Variants in FUS observed in about 807,000 individuals in gnomAD.
FUS encodes FUS RNA binding protein.
A neutral mutation model predicts 82.7 loss-of-function variants in FUS; 5 were observed. That is an observed-to-expected ratio of 0.06 (90% confidence interval 0.03 to 0.13). FUS has a LOEUF of 0.13. Among genes scored for constraint, FUS ranks in the 10% least tolerant of loss-of-function variants. The probability of loss-of-function intolerance (pLI) is 1.00; values close to 1 mark genes in which losing one functional copy is unlikely to be tolerated. For synonymous variants in FUS, 281 were observed against 247.4 expected (o/e 1.14, Z -1.27); for missense variants, 512 against 707.8 (o/e 0.72, Z 3.14).
downstream of FUS, chr16:31,192,057 G>A (rs1241412491): frequency 1.9e-6 from 1 of 532,914 alleles, no homozygotes; most frequent in Non-Finnish European, 3.6e-6. Flanking sequence ...GTAACTGAGT[G>A]CTGCAGGAGT....
intron 7 of FUS, 58 bp downstream of exon 7, chr16:31,186,894 C>A: frequency 6.8e-7 from 1 of 1,471,934 alleles, no homozygotes; most frequent in Non-Finnish European, 9.5e-7. Flanking sequence ...TCTGATTGTT[C>A]ATTTGCAGAT....
intron 5 of FUS, 113 bp downstream of exon 5, chr16:31,184,509 TCTCGG>T (rs1262342488): frequency 3.0e-5 from 32 of 1,082,340 alleles, no homozygotes; most frequent in Non-Finnish European, 4.2e-5. Flanking sequence ...AGTGGCACAA[TCTCGG>T]CTCACTGCAA....
At chr16:31,192,551 C>T (rs1406521603), downstream of FUS, 2 of 505,110 alleles carry the variant, frequency 4.0e-6, no homozygotes, top group Non-Finnish European at 3.9e-6. Flanking sequence ...GAAGTGCTTT[C>T]CTCTCAAATT....
chr16:31,187,261 G>C, intron 7 of FUS: 1 of 303,766 alleles, frequency 3.3e-6, no homozygotes, highest in Non-Finnish European at 6.3e-6. Flanking sequence ...TTTAATTCTG[G>C]AAGAGGGATG....
chr16:31,182,221 C>T (rs758699498), intron 1 of FUS, 177 bp from the exon 2 acceptor site: 10 of 716,938 alleles, frequency 1.4e-5, no homozygotes, highest in South Asian at 1.2e-4. Context: ...GAATTCCTGA[C>T]CTCAAGTGAT....
chr16:31,192,530 C>A (rs553397909), downstream of FUS: 1 of 511,924 alleles, frequency 2.0e-6, no homozygotes, highest in South Asian at 1.5e-5. Context: ...GTGCTGGGGA[C>A]CCCTAATTGG....
intron 5 of FUS, 68 bp downstream of exon 5, chr16:31,184,464 G>C: frequency 7.4e-7 from 1 of 1,346,400 alleles, no homozygotes; most frequent in Non-Finnish European, 1.0e-6. Context: ...TTGAGACGGA[G>C]TCTTGCTCTG....
chr16:31,189,639 ATGT>A, intron 9 of FUS, 23 bp from the exon 10 acceptor site: 3 of 1,614,092 alleles, frequency 1.9e-6, no homozygotes, highest in Middle Eastern at 1.6e-4. Context: ...TTTAAAATTG[ATGT>A]TACCTCATTT....
chr16:31,191,923 A>G (rs1005541326), downstream of FUS: 1 of 534,826 alleles, frequency 1.9e-6, no homozygotes, highest in Non-Finnish European at 3.6e-6. Flanking sequence ...CTTTTTAAGA[A>G]CTCTTTGATC....
At chr16:31,189,384 T>C (rs1432776221) in intron 9 of FUS, among the ~76,000 whole-genome samples, 158 bp downstream of exon 9, 2 of 152,206 alleles carry the variant, frequency 1.3e-5, no homozygotes, top group African/African-American at 4.8e-5. Context: ...TAGTTACTGT[T>C]TTCTAAAAGA....
chr16:31,194,492 C>G (rs1238372238), downstream of FUS: 11 of 499,704 alleles, frequency 2.2e-5, no homozygotes, highest in Admixed American at 1.1e-4. Context: ...GAGATGGGGT[C>G]TTGCCATGTT....
chr16:31,193,234 T>C, downstream of FUS: 1 of 500,410 alleles, frequency 2.0e-6, no homozygotes, highest in South Asian at 1.5e-5. Flanking sequence ...GAATAGCAGG[T>C]TTACTTCCCC....
chr16:31,193,110 A>G (rs974970721), downstream of FUS: 4 of 483,108 alleles, frequency 8.3e-6, no homozygotes, highest in Non-Finnish European at 1.6e-5. Flanking sequence ...CAGCTAATTT[A>G]TTTGTATTTT....
At chr16:31,189,497 TGA>T (rs1169883812) in intron 9 of FUS, among the ~76,000 whole-genome samples, 166 bp from the exon 10 acceptor site, 1 of 152,070 alleles carries the variant, frequency 6.6e-6, no homozygotes, top group African/African-American at 2.4e-5. Context: ...AATATTGGAG[TGA>T]GAGACAGTTT....
intron 7 of FUS, chr16:31,187,162 C>T (rs1481581349): frequency 2.3e-6 from 1 of 437,664 alleles, no homozygotes. Flanking sequence ...CGTGCTGGAA[C>T]ACGTGGTGCC....
In FUS at chr16:31,189,742, G is replaced by A. The variant is rs374933969; in HGVS notation, c.1014G>A (p.Thr338=). ...RETGKLKGEA[T]VSFDDPPSAK... is the part of the protein sequence containing the mutation. ...CTGGCAAGCTGAAGGGAGAGGCAAC[G>A]GTCTCTTTTGATGACCCACCTTCAG... Residue 338 remains threonine (T), a synonymous_variant, in exon 10 of 15, where the codon ACG becomes ACA. Coordinates refer to ENST00000254108, the MANE Select transcript of FUS (RefSeq NM_004960.4). 23 of 1,614,054 alleles carry A rather than the reference G, an allele frequency of 1.4e-5. No homozygotes were observed. In the African/African-American group the frequency reaches 1.6e-4, roughly 11 times the overall value.
At chr16:31,189,902 AGCT>A in intron 10 of FUS, 108 bp downstream of exon 10, 1 of 1,596,238 alleles carries the variant, frequency 6.3e-7, no homozygotes, top group African/African-American at 1.3e-5. Context: ...CACTTACTTT[AGCT>A]GCGGTTTCAG....
chr16:31,190,195 T>C (rs1180903994), intron 11 of FUS, 54 bp downstream of exon 11: 1 of 1,613,720 alleles, frequency 6.2e-7, no homozygotes, highest in African/African-American at 1.3e-5. Context: ...GTGCAGAAGA[T>C]GGTAAAGGCT....
chr16:31,182,344 C>G (rs761802538), intron 1 of FUS, 54 bp from the exon 2 acceptor site: 7 of 1,603,332 alleles, frequency 4.4e-6, no homozygotes, highest in African/African-American at 1.3e-5. Flanking sequence ...AGCTTTAATT[C>G]AACTCTTTCA....
Sources: gnomAD v4.1 joint callset for allele counts (sites outside exome capture counted in the v4.1 genomes callset) on GRCh38, gnomAD v4.1.1 for gene constraint, MANE v1.5 for transcripts, NCBI Gene and HGNC (gene_info 2026-07-23, HGNC 2026-07-21) for gene names.